Variants in UGGT2 observed in about 807,000 individuals in gnomAD.
UGGT2 encodes the protein UDP-glucose:glycoprotein glucosyltransferase 2.
In UGGT2, 180 loss-of-function variants were observed where a neutral mutation model predicts 192.1. That is an observed-to-expected ratio of 0.94 (90% CI 0.83 to 1.06). UGGT2 has a LOEUF of 1.06. Among genes scored for constraint, UGGT2 ranks in the 50% least tolerant of loss-of-function variants. UGGT2 has a pLI of 0.00. For synonymous variants in UGGT2, 580 were observed against 591.0 expected (o/e 0.98, Z 0.27); for missense variants, 1,849 against 1,795.7 (o/e 1.03, Z -0.54).
intron 38 of UGGT2, among the ~76,000 whole-genome samples, chr13:95,812,681 G>A (rs1884640328): frequency 6.6e-6 from 1 of 151,986 alleles, no homozygotes; most frequent in Non-Finnish European, 1.5e-5. Context: ...AGTCCTTCAT[G>A]GCTTGGTGCT....
chr13:95,892,073 CT>C (rs2047817979), intron 24 of UGGT2, among the ~76,000 whole-genome samples: 1 of 152,100 alleles, frequency 6.6e-6, no homozygotes, highest in Non-Finnish European at 1.5e-5. Flanking sequence ...CTGTAGTTAC[CT>C]TGGTGAACAC....
At chr13:95,988,117 C>G (rs2051347618) in intron 8 of UGGT2, among the ~76,000 whole-genome samples, 1 of 152,060 alleles carries the variant, frequency 6.6e-6, no homozygotes, top group Admixed American at 6.6e-5. Flanking sequence ...CTTGCTCCCT[C>G]AAGATTAGGG....
chr13:96,029,861 C>T (rs2052780116), intron 2 of UGGT2, among the ~76,000 whole-genome samples: 1 of 152,106 alleles, frequency 6.6e-6, no homozygotes, highest in Non-Finnish European at 1.5e-5. Flanking sequence ...AAAGCATGTA[C>T]TGAGAACAAC....
intron 12 of UGGT2, among the ~76,000 whole-genome samples, chr13:95,952,544 T>C (rs77109735): frequency 6.6e-6 from 1 of 152,230 alleles, no homozygotes; most frequent in South Asian, 2.1e-4. Flanking sequence ...TTAAAATTTG[T>C]ATTTTTTTAT....
chr13:95,992,277 T>C (rs1025373771), intron 7 of UGGT2, among the ~76,000 whole-genome samples: 5 of 152,240 alleles, frequency 3.3e-5, no homozygotes, highest in African/African-American at 1.2e-4. Flanking sequence ...AATCTGTAGA[T>C]TGGCAGTATG....
At chr13:96,003,336 T>C (rs1316491585) in intron 5 of UGGT2, among the ~76,000 whole-genome samples, 6 of 152,282 alleles carry the variant, frequency 3.9e-5, no homozygotes, top group African/African-American at 9.6e-5. Context: ...AAGCTACTTA[T>C]CTTCTATCAC....
intron 1 of UGGT2, among the ~76,000 whole-genome samples, chr13:96,041,819 C>A (rs1023337307): frequency 1.3e-5 from 2 of 152,086 alleles, no homozygotes; most frequent in African/African-American, 4.8e-5. Flanking sequence ...GAATATAACT[C>A]CATTGACCTA....
chr13:95,929,618 G>A (rs948689694), intron 17 of UGGT2, among the ~76,000 whole-genome samples: 2 of 152,144 alleles, frequency 1.3e-5, no homozygotes, highest in Admixed American at 6.5e-5. Flanking sequence ...CAAAGGGGAC[G>A]ATTTCATTTT....
At position 96,023,660 on chromosome 13, in the gene UGGT2, G is replaced by A. The variant is rs940320620; in HGVS notation, c.341C>T (p.Ala114Val). The A allele has an allele frequency of 5.0e-6, 8 of 1,610,986 alleles. No individual in the cohort carries two copies. In the South Asian group the frequency reaches 8.8e-5, roughly 18 times the overall value. ...AAACATCTGAATAGCTGGGGAGTATGCCCTTATAGAGAAAGCAAACTTTAA... is the reference window on the plus strand; with the variant it reads ...AAACATCTGAATAGCTGGGGAGTATACCCTTATAGAGAAAGCAAACTTTAA... The part of the protein sequence containing the change: ...NLLKFAFSIR[A>V]YSPAIQMFQQ... The change falls in exon 3 of 39, where the codon GCA becomes GTA. Residue 114 changes from alanine to valine, a missense_variant. Coordinates refer to ENST00000376747, the MANE Select transcript of UGGT2 (RefSeq NM_020121.4).
intron 10 of UGGT2, 105 bp from the exon 11 acceptor site, chr13:95,972,776 G>T: frequency 1.2e-6 from 1 of 806,872 alleles, no homozygotes; most frequent in East Asian, 2.7e-5. Context: ...AAATATTTTA[G>T]GTTTGGCAGG....
At chr13:95,814,391 A>C (rs770183716) in intron 38 of UGGT2, among the ~76,000 whole-genome samples, 13 of 152,210 alleles carry the variant, frequency 8.5e-5, no homozygotes, top group Admixed American at 2.6e-4. Flanking sequence ...ATGGAGTCAA[A>C]GGAGATTATT....
chr13:96,010,093 C>T (rs115439814), intron 5 of UGGT2, among the ~76,000 whole-genome samples: 1 of 152,182 alleles, frequency 6.6e-6, no homozygotes, highest in African/African-American at 2.4e-5. Context: ...CCTCAAAGAA[C>T]CTGAAATAGA....
At chr13:95,906,287 T>C (rs1301114845) in intron 20 of UGGT2, among the ~76,000 whole-genome samples, 1 of 152,144 alleles carries the variant, frequency 6.6e-6, no homozygotes, top group African/African-American at 2.4e-5. Context: ...TAATTAATTA[T>C]TGGACATTGA....
intron 22 of UGGT2, among the ~76,000 whole-genome samples, chr13:95,900,497 A>G (rs1330039222): frequency 2.0e-5 from 3 of 152,172 alleles, no homozygotes; most frequent in Admixed American, 2.0e-4. Context: ...GGTTCTAATG[A>G]CAATGTTTTG....
chr13:95,996,096 T>A lies in UGGT2; in HGVS notation c.797A>T (p.Asn266Ile). 6.2e-7 allele frequency: 1 copy of A among 1,613,826 alleles called. No individual in the cohort carries two copies. Among genetic ancestry groups the A allele is most frequent in the Non-Finnish European group, 8.5e-7 (1 of 1,179,916 alleles). The change falls in exon 7 of 39, where the codon AAT becomes ATT. Residue 266 changes from asparagine to isoleucine, a missense_variant. By Grantham distance (149) the Asn-to-Ile change is moderately radical. Transcript: ENST00000376747. ...CCCAAAGAGAAATCCTTGAACTTCA[T>A]TTGTTTCAGTCTCATCCTCTACAGT... ...NTTVEDETET[N>I]EVQGFLFGKL...
rs2048921920 is a variant in UGGT2, at chr13:95,923,680, AAT to A, written c.2295+1998_2295+1999del. Among the ~76,000 whole-genome samples, 4 of 152,232 alleles carry A rather than the reference AAT, an allele frequency of 2.6e-5. 1 individual carries two copies. In the South Asian group the frequency reaches 8.3e-4, roughly 31 times the overall value. On this transcript the variant is annotated intron_variant, in intron 20 of 38. Transcript: ENST00000376747. The stretch of plus-strand genomic sequence containing the variant: ...AAAAAACAAAACCACCTGAATTTTC[AAT>A]GTTACTAAATATTTCCATGTAGACA...
At chr13:96,028,373 T>TA (rs1319318617) in intron 2 of UGGT2, among the ~76,000 whole-genome samples, 1 of 152,216 alleles carries the variant, frequency 6.6e-6, no homozygotes, top group Non-Finnish European at 1.5e-5. Context: ...TTAATTTGTG[T>TA]AAAAACCACT....
chr13:95,903,313 T>C (rs926161183), intron 20 of UGGT2, among the ~76,000 whole-genome samples: 1 of 151,526 alleles, frequency 6.6e-6, no homozygotes, highest in Admixed American at 6.6e-5. Context: ...GCTTTTTGTA[T>C]GTGAAATAAC....
At chr13:95,803,409 C>A (rs893095773) in intron 38 of UGGT2, among the ~76,000 whole-genome samples, 1 of 151,998 alleles carries the variant, frequency 6.6e-6, no homozygotes, top group Non-Finnish European at 1.5e-5. Flanking sequence ...TACAGGCATG[C>A]GCCACCACGC....
Sources: allele counts gnomAD v4.1 joint callset (sites outside exome capture counted in the v4.1 genomes callset), GRCh38; gene constraint gnomAD v4.1.1; transcripts MANE v1.5; gene names NCBI Gene and HGNC (gene_info 2026-07-23, HGNC 2026-07-21).